SYT1: variants seen among roughly 807,000 people sequenced by gnomAD.
SYT1 encodes the protein synaptotagmin-1.
SYT1 carries 8 observed loss-of-function variants against 44.8 expected under a neutral mutation model. The ratio of observed to expected loss-of-function variants is 0.18; its 90% CI spans 0.10 to 0.32. The LOEUF is 0.32. Among genes scored for constraint, SYT1 ranks in the 10% least tolerant of loss-of-function variants. The pLI is 1.00. For synonymous variants in SYT1, 154 were observed against 188.8 expected (o/e 0.82, Z 1.51); for missense variants, 286 against 509.3 (o/e 0.56, Z 4.22).
At chr12:79,178,032 C>A in intron 3 of SYT1, among the ~76,000 whole-genome samples, 1 of 151,560 alleles carries the variant, frequency 6.6e-6, no homozygotes. Flanking sequence ...TTTTGCTGTG[C>A]AGAAGCTCTT....
rs780854889 is a variant in SYT1 at position 79,132,319 on chromosome 12, C to T, written c.-18+84957C>T. Among the ~76,000 whole-genome samples the T allele has an allele frequency of 3.3e-5, 5 of 151,782 alleles. No homozygotes were observed. The East Asian group carries it at 5.8e-4, about 18-fold the overall frequency. On this transcript the variant is annotated intron_variant, in intron 3 of 10. Coordinates refer to ENST00000261205, the MANE Select transcript of SYT1 (RefSeq NM_005639.3). The stretch of plus-strand genomic sequence containing the variant: ...CAAAAATTAGCCTGGTATGGTGGCA[C>T]GTGCCTGTCGTCCCAGCTACTCAGG...
intron 3 of SYT1, among the ~76,000 whole-genome samples, chr12:79,096,320 A>T (rs774337856): frequency 6.6e-6 from 1 of 151,966 alleles, no homozygotes; most frequent in Non-Finnish European, 1.5e-5. Context: ...TTTCAGAGCT[A>T]TGCTTGTGTC....
At chr12:79,401,308 T>G (rs986898006) in intron 9 of SYT1, among the ~76,000 whole-genome samples, 6 of 152,036 alleles carry the variant, frequency 3.9e-5, no homozygotes, top group Non-Finnish European at 2.9e-5. Flanking sequence ...GCAGGAAGAT[T>G]CCTTAAGCCC....
At chr12:79,037,258 G>A (rs930789741) in intron 2 of SYT1, among the ~76,000 whole-genome samples, 8 of 151,312 alleles carry the variant, frequency 5.3e-5, no homozygotes, top group Non-Finnish European at 1.0e-4. Flanking sequence ...ACTTCCCCAA[G>A]CTTCTCATTT....
chr12:79,153,486 G>T (rs1870404231), intron 3 of SYT1, among the ~76,000 whole-genome samples: 1 of 152,076 alleles, frequency 6.6e-6, no homozygotes, highest in Non-Finnish European at 1.5e-5. Context: ...GATGGCTGTG[G>T]TTAAAAACTC....
chr12:79,390,152 C>G (rs1884599179), intron 9 of SYT1, among the ~76,000 whole-genome samples: 1 of 152,032 alleles, frequency 6.6e-6, no homozygotes, highest in South Asian at 2.1e-4. Flanking sequence ...CCAGGATGGT[C>G]TCGATCTCCT....
At chr12:79,052,860 G>T (rs1254182768) in intron 3 of SYT1, among the ~76,000 whole-genome samples, 1 of 152,100 alleles carries the variant, frequency 6.6e-6, no homozygotes, top group Non-Finnish European at 1.5e-5. Flanking sequence ...GGAAACAACA[G>T]GTGCTGGAGA....
At chr12:79,232,796 C>G (rs1296116764) in intron 4 of SYT1, among the ~76,000 whole-genome samples, 2 of 152,092 alleles carry the variant, frequency 1.3e-5, no homozygotes, top group African/African-American at 4.8e-5. Context: ...TCCTTTAGCT[C>G]AAAGGCCCTC....
At position 79,433,253 on chromosome 12, in the gene SYT1, T is replaced by C. The variant is rs180964904; in HGVS notation, c.929-10820T>C. 3.9e-3 allele frequency among the ~76,000 whole-genome samples: 592 copies of C among 152,330 alleles called. 3 individuals are homozygous for C. The highest frequency in any genetic ancestry group is 7.1e-3 in the Admixed American group (109 of 15,302). On this transcript the variant is annotated intron_variant, in intron 9 of 10. Transcript: ENST00000261205. ...AACCAATTGTAGAACTGAGTGAGCC[T>C]GAGTAAGCCACTGAAGACCAGGAAC...
intron 1 of SYT1, among the ~76,000 whole-genome samples, chr12:78,959,127 T>C (rs545523317): frequency 2.0e-5 from 3 of 152,152 alleles, no homozygotes; most frequent in Non-Finnish European, 4.4e-5. Context: ...TTTGAGAAGC[T>C]ACCTAAGCTG....
chr12:79,220,070 A>AT (rs1875062868), intron 4 of SYT1, among the ~76,000 whole-genome samples: 1 of 151,874 alleles, frequency 6.6e-6, no homozygotes, highest in Non-Finnish European at 1.5e-5. Flanking sequence ...CTTATGGGAG[A>AT]TTTTTTATTA....
At chr12:79,237,170 T>C (rs1234160934) in intron 4 of SYT1, among the ~76,000 whole-genome samples, 1 of 152,096 alleles carries the variant, frequency 6.6e-6, no homozygotes, top group African/African-American at 2.4e-5. Context: ...TGTTGACAGG[T>C]GCTGTGTCTG....
chr12:79,017,611 T>A (rs1051581516), intron 2 of SYT1, among the ~76,000 whole-genome samples: 1 of 152,052 alleles, frequency 6.6e-6, no homozygotes, highest in East Asian at 1.9e-4. Context: ...GGGAGGGGAC[T>A]TCAACCTAGC....
chr12:79,320,067 A>G (rs1881280883), intron 8 of SYT1, among the ~76,000 whole-genome samples: 1 of 152,220 alleles, frequency 6.6e-6, no homozygotes, highest in South Asian at 2.1e-4. Flanking sequence ...CTTGTGTTTC[A>G]TAATGCAATA....
At chr12:79,175,572 CT>C (rs1350522045) in intron 3 of SYT1, among the ~76,000 whole-genome samples, 1 of 152,086 alleles carries the variant, frequency 6.6e-6, no homozygotes, top group Admixed American at 6.6e-5. Flanking sequence ...ATTTGGCACA[CT>C]CAAACTTTTG....
chr12:79,135,406 AG>A (rs1869126731), intron 3 of SYT1, among the ~76,000 whole-genome samples: 1 of 152,158 alleles, frequency 6.6e-6, no homozygotes, highest in South Asian at 2.1e-4. Flanking sequence ...AAAGTGAGCC[AG>A]GACTTCTAAT....
chr12:79,429,133 T>C (rs752005749), intron 9 of SYT1, among the ~76,000 whole-genome samples: 25 of 152,096 alleles, frequency 1.6e-4, no homozygotes, highest in Non-Finnish European at 3.2e-4. Context: ...ACCTCCAGCA[T>C]TGGGGATTAA....
At chr12:78,924,935 G>T (rs1877219352) in intron 1 of SYT1, among the ~76,000 whole-genome samples, 1 of 151,574 alleles carries the variant, frequency 6.6e-6, no homozygotes, top group Non-Finnish European at 1.5e-5. Context: ...GTTGCTACTG[G>T]GTGTCATTGC....
chr12:79,081,286 G>A (rs1225251401), intron 3 of SYT1, among the ~76,000 whole-genome samples: 3 of 151,710 alleles, frequency 2.0e-5, no homozygotes, highest in Non-Finnish European at 4.4e-5. Context: ...ACGTTTTAAC[G>A]CTCATGTATA....
Sources: allele counts gnomAD v4.1 joint callset (sites outside exome capture counted in the v4.1 genomes callset), GRCh38; gene constraint gnomAD v4.1.1; transcripts MANE v1.5; gene names NCBI Gene and HGNC (gene_info 2026-07-23, HGNC 2026-07-21).